The following TTLL6 variants were observed in gnomAD, a reference collection of about 807,000 sequenced individuals.
TTLL6 encodes tubulin tyrosine ligase like 6, also known as tubulin polyglutamylase TTLL6.
In TTLL6, 75 loss-of-function variants were observed where a neutral mutation model predicts 96.4. The ratio of observed to expected loss-of-function variants is 0.78; its 90% CI spans 0.65 to 0.94. The LOEUF is 0.94. Among genes scored for constraint, TTLL6 ranks in the 40% least tolerant of loss-of-function variants. The pLI is 0.00. For synonymous variants in TTLL6, 411 were observed against 419.4 expected, an observed-to-expected ratio of 0.98 and a Z score of 0.24; for missense variants, 1,030 against 1,093.0, an observed-to-expected ratio of 0.94 and a Z score of 0.81.
chr17:48,779,075 TG>T (rs2038937709), intron 13 of TTLL6, among the ~76,000 whole-genome samples: 1 of 151,796 alleles, frequency 6.6e-6, no homozygotes. Context: ...CATTCCAACC[TG>T]GGTGACAGAG....
At chr17:48,766,929 TTGTTG>T (rs966624901) in intron 15 of TTLL6, among the ~76,000 whole-genome samples, 1 of 56,544 alleles carries the variant, frequency 1.8e-5, no homozygotes, top group African/African-American at 5.2e-5. Context: ...GTTTTTGTTG[TTGTTG>T]TTTTGTTTTG....
Position 48,797,076 on chromosome 17 carries a change from A to G in TTLL6, c.897T>C (p.Pro299=). Residue 299 remains proline (P), a synonymous_variant, in exon 7 of 16, where the codon CCT becomes CCC. Coordinates refer to ENST00000393382, the MANE Select transcript of TTLL6 (RefSeq NM_001130918.3). The stretch of plus-strand genomic sequence containing the variant: ...CTTAGCTCACCAGGTTGTCTGTGCA[A>G]GGGCGGGAGTAAGAGGTCGTCGCAA... ...ARFATTSYSR[P]CTDNLDDICM... 1 of 1,551,394 alleles carries G rather than the reference A, an allele frequency of 6.4e-7. No homozygotes were observed. The highest frequency in any genetic ancestry group is 8.7e-7 in the Non-Finnish European group (1 of 1,146,914).
intron 13 of TTLL6, among the ~76,000 whole-genome samples, chr17:48,774,090 AC>A (rs374886055): frequency 0.24 from 22,569 of 95,644 alleles, 3,886 homozygotes; most frequent in East Asian, 0.73. Flanking sequence ...CTCAAAAAAA[AC>A]AAAACAAAAA....
chr17:48,799,987 C>G, intron 5 of TTLL6: 3 of 543,356 alleles, frequency 5.5e-6, no homozygotes, highest in Non-Finnish European at 6.6e-6. Flanking sequence ...ACACCACTTA[C>G]CAGTGGTGCA....
At chr17:48,808,554 T>A (rs955965226) in intron 1 of TTLL6, among the ~76,000 whole-genome samples, 3 of 152,110 alleles carry the variant, frequency 2.0e-5, no homozygotes, top group African/African-American at 7.2e-5. Flanking sequence ...CCCCTCTCTA[T>A]ACATATTTGC....
intron 13 of TTLL6, among the ~76,000 whole-genome samples, chr17:48,780,966 A>G (rs2038973648): frequency 6.6e-6 from 1 of 152,056 alleles, no homozygotes; most frequent in Non-Finnish European, 1.5e-5. Flanking sequence ...GGGTGTGCAA[A>G]TATCTTTTTG....
intron 15 of TTLL6, among the ~76,000 whole-genome samples, chr17:48,767,739 C>A (rs988325266): frequency 6.6e-6 from 1 of 152,192 alleles, no homozygotes; most frequent in Admixed American, 6.5e-5. Context: ...ATATGACCTT[C>A]CCTCAGAAGC....
In TTLL6 at chr17:48,801,282, A is replaced by C; in HGVS notation, c.584T>G (p.Phe195Cys). ...AGCAGGAAGACACCAGGTCCTAGGG[A>C]AAAAGCGGAAATCTTTAGGGAACAT... ...LKMFPKDFRF[F>C]PRTWCLPADW... The change falls in exon 5 of 16, where the codon TTC becomes TGC. Residue 195 changes from phenylalanine to cysteine, a missense_variant. Coordinates refer to ENST00000393382, the MANE Select transcript of TTLL6 (RefSeq NM_001130918.3). 1 of 1,551,614 alleles carries C rather than the reference A, an allele frequency of 6.4e-7. No homozygotes were observed. The highest frequency in any genetic ancestry group is 8.7e-7 in the Non-Finnish European group (1 of 1,146,938).
intron 3 of TTLL6, among the ~76,000 whole-genome samples, chr17:48,802,973 C>T (rs531076398): frequency 6.6e-6 from 1 of 152,070 alleles, no homozygotes; most frequent in Admixed American, 6.6e-5. Flanking sequence ...AGCCCAAGAC[C>T]GGCCTGACCA....
rs1294768506 is a variant in TTLL6 at position 48,791,611 on chromosome 17, G to A, written c.999-8C>T. On this transcript the variant is annotated splice_polypyrimidine_tract_variant and splice_region_variant and intron_variant, in intron 8 of 15. Transcript: ENST00000393382. ...CTGAAGGTGGAGAGCTTCCTGGAAG[G>A]GAACCACAGGCCAGGAGGCAGTGTA... The A allele has an allele frequency of 6.2e-7, 1 of 1,603,466 alleles. No homozygotes were observed. Among genetic ancestry groups the A allele is most frequent in the Non-Finnish European group, 8.5e-7 (1 of 1,172,402 alleles).
At chr17:48,799,807 A>G (rs1339963112) in intron 5 of TTLL6, 47 bp from the exon 6 acceptor site, 1 of 1,508,588 alleles carries the variant, frequency 6.6e-7, no homozygotes, top group African/African-American at 1.4e-5. Context: ...CTGGGGAGCA[A>G]TGAAAAGGAA....
intron 13 of TTLL6, among the ~76,000 whole-genome samples, chr17:48,770,357 A>G (rs1347833517): frequency 2.0e-5 from 3 of 152,044 alleles, no homozygotes; most frequent in Admixed American, 2.0e-4. Context: ...AAGAAAGATT[A>G]GGTTAGAATA....
At chr17:48,776,181 T>A (rs2038865889) in intron 13 of TTLL6, among the ~76,000 whole-genome samples, 1 of 152,110 alleles carries the variant, frequency 6.6e-6, no homozygotes, top group South Asian at 2.1e-4. Context: ...GAAATTTAAG[T>A]CTAGGCTGGG....
chr17:48,769,630 C>T (rs564427340), intron 14 of TTLL6, 98 bp downstream of exon 14: 3 of 1,449,374 alleles, frequency 2.1e-6, no homozygotes, highest in Middle Eastern at 2.6e-4. Context: ...GGCTGTCCCC[C>T]CTCCAAAGAC....
At chr17:48,788,258 A>G (rs971040215) in intron 10 of TTLL6, among the ~76,000 whole-genome samples, 24 of 152,224 alleles carry the variant, frequency 1.6e-4, no homozygotes, top group Admixed American at 8.5e-4. Flanking sequence ...TCCTGTTCCA[A>G]GTAAAACCCA....
At chr17:48,773,908 C>T (rs2038802111) in intron 13 of TTLL6, among the ~76,000 whole-genome samples, 1 of 150,394 alleles carries the variant, frequency 6.6e-6, no homozygotes, top group African/African-American at 2.4e-5. Context: ...CATGGAGAAA[C>T]CCCGTCTCTA....
chr17:48,814,170 T>C (rs1353849711), intron 1 of TTLL6, among the ~76,000 whole-genome samples: 1 of 151,694 alleles, frequency 6.6e-6, no homozygotes, highest in Non-Finnish European at 1.5e-5. Flanking sequence ...AATACAAAAA[T>C]TAGCTGGGCA....
intron 4 of TTLL6, 62 bp from the exon 5 acceptor site, chr17:48,801,447 CG>C: frequency 1.3e-6 from 2 of 1,550,898 alleles, no homozygotes; most frequent in Non-Finnish European, 1.7e-6. Flanking sequence ...AAGATCTCCT[CG>C]GGAGACAGGT....
chr17:48,804,939 G>A lies in TTLL6; in HGVS notation c.156C>T (p.Cys52=). Residue 52 remains cysteine, a synonymous_variant, in exon 2 of 16, where the codon TGC becomes TGT. Transcript: ENST00000393382. ...CCCCTTCCTGGCTTTCCAAAGTCGG[G>A]CACTGTGGCATCTCCCTGGCCTGGG... ...ASSQAREMPQ[C]PTLESQEGEN... The A allele has an allele frequency of 1.4e-6, 2 of 1,470,748 alleles. No individual in the cohort carries two copies. The highest frequency in any genetic ancestry group is 1.8e-6 in the Non-Finnish European group (2 of 1,084,638). 91.1% of individuals were successfully genotyped at this position (1,470,748 alleles called of 1,614,324 possible).
Sources: gnomAD v4.1 joint callset for allele counts (sites outside exome capture counted in the v4.1 genomes callset) on GRCh38, gnomAD v4.1.1 for gene constraint, MANE v1.5 for transcripts, NCBI Gene and HGNC (gene_info 2026-07-23, HGNC 2026-07-21) for gene names.